Variants in SLC19A2 observed in about 807,000 individuals in gnomAD.
SLC19A2 encodes the protein solute carrier family 19 member 2, also known as thiamine transporter 1.
A neutral mutation model predicts 44.7 loss-of-function variants in SLC19A2; 27 were observed. The ratio of observed to expected loss-of-function variants is 0.60; its 90% confidence interval spans 0.45 to 0.83. The LOEUF (loss-of-function observed/expected upper bound fraction) is 0.83. Among genes scored for constraint, SLC19A2 ranks in the 40% least tolerant of loss-of-function variants. The pLI is 0.00. For synonymous variants in SLC19A2, 239 were observed against 243.6 expected (o/e 0.98, Z 0.18); for missense variants, 566 against 613.7 (o/e 0.92, Z 0.82).
At chr1:169,478,522 A>AAT (rs1658378411) in intron 1 of SLC19A2, among the ~76,000 whole-genome samples, 3 of 116,568 alleles carry the variant, frequency 2.6e-5, no homozygotes, top group African/African-American at 6.8e-5. Flanking sequence ...ACAACCAGCT[A>AAT]ATTTTTTTTT....
intron 3 of SLC19A2, 39 bp downstream of exon 3, chr1:169,469,925 C>G: frequency 6.3e-7 from 1 of 1,575,492 alleles, no homozygotes. Context: ...AGAGGAATCC[C>G]TCCCCCACCA....
chr1:169,468,358 T>C (rs956247041), intron 4 of SLC19A2, 106 bp from the exon 5 acceptor site: 2 of 891,808 alleles, frequency 2.2e-6, no homozygotes, highest in Non-Finnish European at 3.2e-6. Context: ...GAAGAGTCCT[T>C]CTTTCTACTG....
chr1:169,477,053 TC>T, intron 2 of SLC19A2, 101 bp downstream of exon 2: 1 of 1,303,330 alleles, frequency 7.7e-7, no homozygotes, highest in Non-Finnish European at 1.1e-6. Flanking sequence ...AAAACATGAA[TC>T]CAAATAAATA....
chr1:169,477,927 A>C (rs2101781708), intron 1 of SLC19A2, among the ~76,000 whole-genome samples, 170 bp from the exon 2 acceptor site: 1 of 152,122 alleles, frequency 6.6e-6, no homozygotes, highest in East Asian at 1.9e-4. Context: ...TTTTTGTTTG[A>C]GATGGAGTCT....
chr1:169,482,995 G>A (rs146183327), intron 1 of SLC19A2, among the ~76,000 whole-genome samples: 1 of 152,160 alleles, frequency 6.6e-6, no homozygotes, highest in Non-Finnish European at 1.5e-5. Context: ...GGATAAAAAA[G>A]TTTTTAGAGA....
intron 5 of SLC19A2, among the ~76,000 whole-genome samples, chr1:169,466,749 G>A (rs1225802964): frequency 6.6e-6 from 1 of 150,450 alleles, no homozygotes; most frequent in African/African-American, 2.5e-5. Context: ...TGTTCTCATT[G>A]TCCAACACCG....
chr1:169,470,138 A>G lies in SLC19A2; in HGVS notation c.856T>C (p.Phe286Leu), dbSNP rs1362184042. The change falls in exon 3 of 6, where the codon TTC becomes CTC. Residue 286 changes from phenylalanine (F) to leucine (L), a missense_variant. Coordinates refer to ENST00000236137, the MANE Select transcript of SLC19A2 (RefSeq NM_006996.3). Reference protein sequence around the residue: ...LLVLKVLWNDFLMCYSSRPLL... With the variant: ...LLVLKVLWNDLLMCYSSRPLL... Reference sequence around the variant, plus strand: ...GGGCGAGAGGAGTAGCACATCAGGAAATCATTCCATAGTACTTTCAATACA... The same window carrying G: ...GGGCGAGAGGAGTAGCACATCAGGAGATCATTCCATAGTACTTTCAATACA... The G allele has an allele frequency of 6.2e-7, 1 of 1,614,090 alleles. No individual in the cohort carries two copies. The highest frequency in any genetic ancestry group is 8.5e-7 in the Non-Finnish European group (1 of 1,179,972).
At chr1:169,468,519 T>C in intron 4 of SLC19A2, 125 bp downstream of exon 4, 1 of 805,142 alleles carries the variant, frequency 1.2e-6, no homozygotes. Context: ...AATGCACATA[T>C]AATACAATGC....
chr1:169,477,781 A>C (rs1438890926), intron 1 of SLC19A2, 24 bp from the exon 2 acceptor site: 8 of 1,590,418 alleles, frequency 5.0e-6, no homozygotes, highest in Admixed American at 3.5e-5. Flanking sequence ...AAAAAAAAAA[A>C]ACAAAAAACA....
intron 3 of SLC19A2, 105 bp from the exon 4 acceptor site, chr1:169,468,941 T>A: frequency 3.1e-6 from 3 of 981,294 alleles, no homozygotes; most frequent in Non-Finnish European, 4.7e-6. Context: ...TGCAAACTTA[T>A]AAACAGAATA....
intron 2 of SLC19A2, among the ~76,000 whole-genome samples, chr1:169,473,192 C>A (rs1056634451): frequency 1.3e-5 from 2 of 152,006 alleles, no homozygotes; most frequent in African/African-American, 4.8e-5. Context: ...GAAGTTTCTA[C>A]TGTAGTGGTG....
chr1:169,469,923 C>G (rs760524958), intron 3 of SLC19A2, 41 bp downstream of exon 3: 1 of 1,563,530 alleles, frequency 6.4e-7, no homozygotes, highest in Admixed American at 1.7e-5. Flanking sequence ...CCAGAGGAAT[C>G]CCTCCCCCAC....
At chr1:169,466,649 C>T (rs1372813902) in intron 5 of SLC19A2, among the ~76,000 whole-genome samples, 1 of 151,958 alleles carries the variant, frequency 6.6e-6, no homozygotes, top group Non-Finnish European at 1.5e-5. Flanking sequence ...GCCCTGCATA[C>T]ATTAGGTATT....
At chr1:169,477,054 C>T (rs1557891704) in intron 2 of SLC19A2, 101 bp downstream of exon 2, 25 of 1,311,178 alleles carry the variant, frequency 1.9e-5, no homozygotes, top group Non-Finnish European at 3.3e-6. Context: ...AAACATGAAT[C>T]CAAATAAATA....
At chr1:169,467,731 A>AAAT (rs1163692893) in intron 5 of SLC19A2, among the ~76,000 whole-genome samples, 1 of 152,194 alleles carries the variant, frequency 6.6e-6, no homozygotes, top group South Asian at 2.1e-4. Context: ...GAGGAGACTT[A>AAAT]AAGAGTTGTG....
intron 1 of SLC19A2, among the ~76,000 whole-genome samples, chr1:169,482,787 C>T (rs1658470626): frequency 6.6e-6 from 1 of 151,956 alleles, no homozygotes; most frequent in Non-Finnish European, 1.5e-5. Flanking sequence ...GGACTTAAGA[C>T]TATTAGATTA....
intron 2 of SLC19A2, chr1:169,474,019 A>C (rs1469122831): frequency 1.3e-5 from 2 of 152,290 alleles, no homozygotes; most frequent in Non-Finnish European, 1.5e-5. Context: ...TAACTTGCCC[A>C]AGTATTAGAA....
upstream of SLC19A2, chr1:169,485,967 G>A (rs1658559892): frequency 3.2e-6 from 2 of 629,728 alleles, no homozygotes; most frequent in Middle Eastern, 4.3e-4. Context: ...TGATCGCCCA[G>A]TTTAAGGGAG....
Position 169,465,756 on chromosome 1 carries a change from C to T in SLC19A2, c.*93G>A. ...GCTGTGAAGTCAAGAAATGCACATT[C>T]ATAAATATATGTCTACGCTTTAAAA... On this transcript the variant is annotated 3_prime_UTR_variant, in exon 6 of 6. Coordinates refer to ENST00000236137, the MANE Select transcript of SLC19A2 (RefSeq NM_006996.3). The T allele has an allele frequency of 7.1e-7, 1 of 1,408,710 alleles. No individual in the cohort carries two copies. The highest frequency in any genetic ancestry group is 1.4e-5 in the African/African-American group (1 of 71,034). 87.3% of individuals were successfully genotyped at this position (1,408,710 alleles called of 1,614,324 possible).
Sources: gnomAD v4.1 joint callset for allele counts (sites outside exome capture counted in the v4.1 genomes callset) on GRCh38, gnomAD v4.1.1 for gene constraint, MANE v1.5 for transcripts, NCBI Gene and HGNC (gene_info 2026-07-23, HGNC 2026-07-21) for gene names.